Variants in STK33 observed in about 807,000 individuals in gnomAD.
The protein encoded by STK33 is serine/threonine kinase 33, also known as serine/threonine-protein kinase 33.
STK33 carries 52 observed loss-of-function variants against 58.0 expected under a neutral mutation model. The ratio of observed to expected loss-of-function variants is 0.90; its 90% CI spans 0.72 to 1.13. STK33 has a LOEUF of 1.13. Ranked by LOEUF, STK33 falls within the 50% of genes most tolerant of loss-of-function variation. The probability of loss-of-function intolerance (pLI) is 0.00; values close to 1 mark genes in which losing one functional copy is unlikely to be tolerated. For missense variants in STK33, 630 were observed against 604.2 expected (o/e 1.04, Z -0.45); for synonymous variants, 215 against 200.1 (o/e 1.07, Z -0.63).
At chr11:8,490,895 CA>C (rs1455357432) in intron 1 of STK33, among the ~76,000 whole-genome samples, 2 of 152,110 alleles carry the variant, frequency 1.3e-5, no homozygotes, top group African/African-American at 4.8e-5. Context: ...ATAGGATCAA[CA>C]TCAACAAAAA....
intron 12 of STK33, among the ~76,000 whole-genome samples, chr11:8,438,692 A>C (rs530673533): frequency 1.3e-5 from 2 of 152,306 alleles, no homozygotes; most frequent in East Asian, 3.8e-4. Flanking sequence ...CCTTAACACC[A>C]AGTTCAAACT....
chr11:8,339,218 C>T, the STK33 span, among the ~76,000 whole-genome samples: 1 of 152,138 alleles, frequency 6.6e-6, no homozygotes, highest in Non-Finnish European at 1.5e-5. Flanking sequence ...TTTATTAATG[C>T]ACGCCTCCGA....
At chr11:8,517,858 G>C (rs1390809314) in intron 1 of STK33, among the ~76,000 whole-genome samples, 1 of 152,154 alleles carries the variant, frequency 6.6e-6, no homozygotes, top group South Asian at 2.1e-4. Context: ...CCAAATCTAT[G>C]ATTGATTGGT....
chr11:8,366,042 G>A, the STK33 span, among the ~76,000 whole-genome samples: 5 of 152,220 alleles, frequency 3.3e-5, no homozygotes, highest in African/African-American at 9.6e-5. Context: ...TGCAGGGATC[G>A]TTAGACAAAG....
chr11:8,355,535 A>G, the STK33 span, among the ~76,000 whole-genome samples: 1 of 152,176 alleles, frequency 6.6e-6, no homozygotes, highest in Non-Finnish European at 1.5e-5. Context: ...TGTCCTCTCC[A>G]TCTACAAAAA....
intron 1 of STK33, among the ~76,000 whole-genome samples, chr11:8,588,020 T>A (rs535606319): frequency 6.6e-6 from 1 of 152,236 alleles, no homozygotes; most frequent in African/African-American, 2.4e-5. Context: ...TGATGCTTGG[T>A]GGGGGTACTC....
At chr11:8,579,378 G>A (rs930218772) in intron 1 of STK33, among the ~76,000 whole-genome samples, 4 of 151,698 alleles carry the variant, frequency 2.6e-5, no homozygotes, top group African/African-American at 9.7e-5. Context: ...ACAATTATAA[G>A]GTACTTTCAA....
At chr11:8,439,869 T>TTACATATATATATATATATA (rs1944511348) in intron 12 of STK33, among the ~76,000 whole-genome samples, 1 of 107,274 alleles carries the variant, frequency 9.3e-6, no homozygotes, top group Non-Finnish European at 1.9e-5. Flanking sequence ...TATATTATAA[T>TTACATATATATATATATATA]TATATATATA....
At chr11:8,405,377 A>G (rs1590797121) in intron 15 of STK33, among the ~76,000 whole-genome samples, 1 of 152,188 alleles carries the variant, frequency 6.6e-6, no homozygotes, top group African/African-American at 2.4e-5. Flanking sequence ...CTACTTGTAT[A>G]TCTTCCTATG....
At chr11:8,544,553 G>C (rs529515650) in intron 1 of STK33, among the ~76,000 whole-genome samples, 1 of 151,526 alleles carries the variant, frequency 6.6e-6, no homozygotes, top group African/African-American at 2.4e-5. Context: ...TAAGGAAAGT[G>C]AACTATATAT....
intron 1 of STK33, among the ~76,000 whole-genome samples, chr11:8,582,070 A>G (rs1412335401): frequency 1.3e-5 from 2 of 152,348 alleles, no homozygotes; most frequent in East Asian, 3.9e-4. Context: ...TGTCCATACT[A>G]TTTTATTTAT....
intron 1 of STK33, among the ~76,000 whole-genome samples, chr11:8,557,159 G>A (rs1423430710): frequency 6.7e-6 from 1 of 150,028 alleles, no homozygotes; most frequent in African/African-American, 2.5e-5. Flanking sequence ...GCTGAGGTAG[G>A]AGGATCACTG....
chr11:8,396,697 G>A (rs1487953679), intron 15 of STK33, among the ~76,000 whole-genome samples: 3 of 152,208 alleles, frequency 2.0e-5, no homozygotes, highest in Non-Finnish European at 4.4e-5. Flanking sequence ...AGGGGTCAGG[G>A]AATTCCCTTT....
Position 8,439,328 on chromosome 11 carries a change from T to C in STK33, c.947+1350A>G, listed in dbSNP as rs60583868. ...ATACAATATATATAATATTATAATA[T>C]GGTTTTTAAAAGCTTTATGAGGATA... On this transcript the variant is annotated intron_variant, in intron 12 of 15. Transcript: ENST00000687296. Among the ~76,000 whole-genome samples, 65 of 152,198 alleles carry C rather than the reference T, an allele frequency of 4.3e-4. 1 individual carries two copies. In the East Asian group the frequency reaches 0.011, roughly 26 times the overall value.
the STK33 span, among the ~76,000 whole-genome samples, chr11:8,358,459 T>A: frequency 6.6e-6 from 1 of 152,242 alleles, no homozygotes; most frequent in African/African-American, 2.4e-5. Flanking sequence ...GGCTGAGGTC[T>A]GCCCTCCGGC....
At chr11:8,389,817 C>T (rs1848593326), downstream of STK33, among the ~76,000 whole-genome samples, 1 of 152,152 alleles carries the variant, frequency 6.6e-6, no homozygotes, top group African/African-American at 2.4e-5. Context: ...AACATTCCTA[C>T]TCAAAATGAA....
intron 4 of STK33, chr11:8,475,455 A>C (rs1029574844): frequency 2.0e-5 from 3 of 152,204 alleles, no homozygotes; most frequent in African/African-American, 7.2e-5. Flanking sequence ...AAAGGCTTAA[A>C]ATATTGGTGT....
intron 14 of STK33, 69 bp downstream of exon 14, chr11:8,435,425 C>A: frequency 2.3e-6 from 2 of 888,852 alleles, no homozygotes; most frequent in Non-Finnish European, 3.2e-6. Context: ...GAAGAAAACT[C>A]CAAGACAAAA....
At chr11:8,522,872 G>A (rs747284480) in intron 1 of STK33, among the ~76,000 whole-genome samples, 1 of 152,036 alleles carries the variant, frequency 6.6e-6, no homozygotes, top group Non-Finnish European at 1.5e-5. Flanking sequence ...CCGCCATCTC[G>A]GCTCACTGCA....
Sources: allele counts gnomAD v4.1 joint callset (sites outside exome capture counted in the v4.1 genomes callset), GRCh38; gene constraint gnomAD v4.1.1; transcripts MANE v1.5; gene names NCBI Gene and HGNC (gene_info 2026-07-23, HGNC 2026-07-21).